The following ZDHHC11 variants were observed in gnomAD, a reference collection of about 807,000 sequenced individuals.
The protein encoded by ZDHHC11 is palmitoyltransferase ZDHHC11.
Under a neutral mutation model 51.3 loss-of-function variants are expected in ZDHHC11, and 44 were observed. The ratio of observed to expected loss-of-function variants is 0.86; its 90% confidence interval spans 0.67 to 1.10. The LOEUF (loss-of-function observed/expected upper bound fraction) is 1.10. Ranked by LOEUF, ZDHHC11 falls within the 50% of genes least tolerant of loss-of-function variation. The pLI is 0.00. For synonymous variants in ZDHHC11, 163 were observed against 222.0 expected, an observed-to-expected ratio of 0.73 and a Z score of 2.36; for missense variants, 400 against 537.7, an observed-to-expected ratio of 0.74 and a Z score of 2.53.
intron 12 of ZDHHC11, among the ~76,000 whole-genome samples, chr5:799,175 A>T (rs1738048980): frequency 6.6e-6 from 1 of 151,684 alleles, no homozygotes; most frequent in Non-Finnish European, 1.5e-5. Flanking sequence ...CCTCCCTCTG[A>T]AGGGAGTGAG....
chr5:809,014 C>CACACACACACACACACACAT (rs1554050773), intron 11 of ZDHHC11, among the ~76,000 whole-genome samples: 2,062 of 138,454 alleles, frequency 0.015, 82 homozygotes, highest in East Asian at 0.069. Context: ...CACACACACA[C>CACACACACACACACACACAT]GCACACTATT....
chr5:846,117 G>C (rs1486334803), intron 3 of ZDHHC11, among the ~76,000 whole-genome samples: 2 of 150,458 alleles, frequency 1.3e-5, no homozygotes, highest in Non-Finnish European at 3.0e-5. Flanking sequence ...GAGGCCGGTG[G>C]GTCTCCCCGG....
chr5:843,970 G>A (rs1333643688), intron 3 of ZDHHC11, among the ~76,000 whole-genome samples: 1 of 108,624 alleles, frequency 9.2e-6, no homozygotes, highest in Non-Finnish European at 1.7e-5. Context: ...GGGTGCAGAG[G>A]CAGGGGCAGG....
rs183803606 is a variant in ZDHHC11 at position 814,169 on chromosome 5, T to C, written c.1181+592A>G. Among the ~76,000 whole-genome samples, 1,340 of 145,476 alleles carry C rather than the reference T, an allele frequency of 9.2e-3. 5 individuals are homozygous for C. Among genetic ancestry groups the C allele is most frequent in the African/African-American group, 0.034 (1,284 of 37,556 alleles). The stretch of plus-strand genomic sequence containing the variant: ...TGTGAGTAGATTTCCTATTACTCTA[T>C]GTTCTGTGAGAAGTGTATCCTGTAC... On this transcript the variant is annotated intron_variant, in intron 11 of 12. Coordinates refer to ENST00000283441, the MANE Select transcript of ZDHHC11 (RefSeq NM_024786.3).
At chr5:827,884 C>G (rs570076770) in intron 7 of ZDHHC11, among the ~76,000 whole-genome samples, 12 of 150,988 alleles carry the variant, frequency 7.9e-5, no homozygotes, top group South Asian at 2.1e-4. Flanking sequence ...GAGGACCCAG[C>G]GGCCTTCCCC....
intron 3 of ZDHHC11, among the ~76,000 whole-genome samples, chr5:846,885 T>C (rs1288730306): frequency 1.9e-5 from 1 of 53,374 alleles, no homozygotes; most frequent in Admixed American, 1.6e-4. Flanking sequence ...CCATCCTCAG[T>C]GGAAACACCT....
upstream of ZDHHC11, among the ~76,000 whole-genome samples, chr5:854,332 G>A (rs773267708): frequency 4.5e-4 from 68 of 151,522 alleles, no homozygotes; most frequent in South Asian, 1.5e-3. Context: ...AGAACCCACA[G>A]AGGACAGCGA....
intron 11 of ZDHHC11, among the ~76,000 whole-genome samples, chr5:814,296 T>C (rs2150317001): frequency 6.6e-6 from 1 of 151,296 alleles, no homozygotes; most frequent in South Asian, 2.1e-4. Flanking sequence ...AACTGGATCA[T>C]GGTCCTCTTT....
chr5:838,429 C>T (rs1177391099), intron 5 of ZDHHC11, among the ~76,000 whole-genome samples: 2 of 152,122 alleles, frequency 1.3e-5, no homozygotes, highest in African/African-American at 4.8e-5. Context: ...GGGGCGGCCG[C>T]CCACAGAGGC....
At chr5:852,414 CTG>C (rs1261826907), upstream of ZDHHC11, among the ~76,000 whole-genome samples, 1 of 152,230 alleles carries the variant, frequency 6.6e-6, no homozygotes, top group Non-Finnish European at 1.5e-5. Flanking sequence ...CAGGTCGAAA[CTG>C]TGCACCAAGA....
intron 11 of ZDHHC11, among the ~76,000 whole-genome samples, chr5:809,020 CT>C (rs1739731515): frequency 1.4e-5 from 2 of 142,296 alleles, no homozygotes; most frequent in African/African-American, 2.5e-5. Context: ...CACACGCACA[CT>C]ATTTATTCCC....
intron 3 of ZDHHC11, among the ~76,000 whole-genome samples, chr5:846,253 G>C (rs1003915652): frequency 1.3e-5 from 2 of 151,162 alleles, no homozygotes; most frequent in African/African-American, 4.9e-5. Context: ...AGGCAGGGCA[G>C]GGACCGCCCG....
chr5:843,037 G>A (rs113651263), intron 4 of ZDHHC11, among the ~76,000 whole-genome samples: 4,638 of 151,108 alleles, frequency 0.031, 104 homozygotes, highest in Non-Finnish European at 0.044. Context: ...CTGGCATCAC[G>A]GGATCTGGGT....
At chr5:848,733 G>A in intron 1 of ZDHHC11, 73 bp from the exon 2 acceptor site, 1 of 1,503,924 alleles carries the variant, frequency 6.6e-7, no homozygotes. Context: ...AGGCCCAAGG[G>A]CCCAGAAGAG....
At chr5:844,923 T>C (rs1400664367) in intron 3 of ZDHHC11, among the ~76,000 whole-genome samples, 2 of 152,308 alleles carry the variant, frequency 1.3e-5, no homozygotes, top group Non-Finnish European at 2.9e-5. Flanking sequence ...CCATCTTCCC[T>C]TGGTCTTTCT....
At chr5:803,715 A>G (rs557021868) in intron 11 of ZDHHC11, among the ~76,000 whole-genome samples, 1 of 151,226 alleles carries the variant, frequency 6.6e-6, no homozygotes, top group Non-Finnish European at 1.5e-5. Flanking sequence ...TGTCTTAAAT[A>G]TGCTCAGTAA....
At chr5:809,010 C>CACAG (rs1251916262) in intron 11 of ZDHHC11, among the ~76,000 whole-genome samples, 12 of 137,154 alleles carry the variant, frequency 8.7e-5, no homozygotes, top group South Asian at 4.5e-4. Context: ...CACACACACA[C>CACAG]ACACGCACAC....
intron 4 of ZDHHC11, chr5:841,521 G>A (rs1744961831): frequency 3.0e-6 from 3 of 997,150 alleles, no homozygotes; most frequent in Non-Finnish European, 3.6e-6. Flanking sequence ...TTAGTGCCAG[G>A]GTCACGGTGC....
At chr5:829,637 C>T (rs4045349) in intron 7 of ZDHHC11, among the ~76,000 whole-genome samples, 52,343 of 148,860 alleles carry the variant, frequency 0.35, 12,925 homozygotes, top group African/African-American at 0.73. Context: ...TAAATCATTC[C>T]ATGAAGCCAG....
Sources: gnomAD v4.1 joint callset for allele counts (sites outside exome capture counted in the v4.1 genomes callset) on GRCh38, gnomAD v4.1.1 for gene constraint, MANE v1.5 for transcripts, NCBI Gene and HGNC (gene_info 2026-07-23, HGNC 2026-07-21) for gene names.